The following CDKL4 variants were observed in gnomAD, a reference collection of about 807,000 sequenced individuals.
The protein encoded by CDKL4 is cyclin-dependent kinase-like 4.
Under a neutral mutation model 42.0 loss-of-function variants are expected in CDKL4, and 44 were observed. The ratio of observed to expected loss-of-function variants is 1.05; its 90% CI spans 0.82 to 1.35. The LOEUF (loss-of-function observed/expected upper bound fraction) is 1.35. CDKL4 is among the 40% of genes most tolerant of loss of function. The probability of loss-of-function intolerance (pLI) is 0.00; values close to 1 mark genes in which losing one functional copy is unlikely to be tolerated. For missense variants in CDKL4, 393 were observed against 369.9 expected (o/e 1.06, Z -0.51); for synonymous variants, 120 against 121.6 (o/e 0.99, Z 0.09).
intron 4 of CDKL4, among the ~76,000 whole-genome samples, chr2:39,211,008 T>C (rs74509030): frequency 0.025 from 3,796 of 152,324 alleles, 55 homozygotes; most frequent in African/African-American, 0.028. Context: ...ACTGCTATGA[T>C]AGACATTCTG....
At chr2:39,243,606 T>A (rs1291020269) in intron 1 of CDKL4, among the ~76,000 whole-genome samples, 1 of 152,252 alleles carries the variant, frequency 6.6e-6, no homozygotes, top group Non-Finnish European at 1.5e-5. Flanking sequence ...GGCCTCCGCC[T>A]TGCGCGCTCC....
At chr2:39,223,445 TG>T (rs1678496329) in intron 3 of CDKL4, among the ~76,000 whole-genome samples, 1 of 152,124 alleles carries the variant, frequency 6.6e-6, no homozygotes, top group African/African-American at 2.4e-5. Context: ...TTGATAAGAC[TG>T]GGTATAATAA....
At chr2:39,226,403 T>C (rs1678715625) in intron 2 of CDKL4, among the ~76,000 whole-genome samples, 1 of 121,990 alleles carries the variant, frequency 8.2e-6, no homozygotes, top group East Asian at 2.5e-4. Context: ...AATTAGTCTG[T>C]GTTTTAAATT....
At chr2:39,175,481 G>A (rs565022021), downstream of CDKL4, among the ~76,000 whole-genome samples, 7 of 152,258 alleles carry the variant, frequency 4.6e-5, no homozygotes, top group East Asian at 1.9e-4. Flanking sequence ...AAACCTGAAC[G>A]ACCTTTCAAG....
At chr2:39,246,027 T>G (rs116261939), upstream of CDKL4, among the ~76,000 whole-genome samples, 681 of 152,334 alleles carry the variant, frequency 4.5e-3, 7 homozygotes, top group African/African-American at 0.016. Context: ...CTTACCCATT[T>G]TATTCCCAGG....
intron 4 of CDKL4, among the ~76,000 whole-genome samples, chr2:39,210,859 C>T (rs1324784107): frequency 2.0e-5 from 3 of 152,080 alleles, no homozygotes; most frequent in Non-Finnish European, 4.4e-5. Flanking sequence ...GAAAAATATC[C>T]CTCTACATTA....
exon 2 of CDKL4, chr2:39,229,524 C>T (rs149237225): frequency 1.9e-6 from 3 of 1,603,304 alleles, no homozygotes; most frequent in African/African-American, 2.7e-5. Flanking sequence ...ATTTTTCATA[C>T]TTTTCCATTA....
At chr2:39,217,862 T>C (rs915228371) in intron 3 of CDKL4, among the ~76,000 whole-genome samples, 6 of 152,102 alleles carry the variant, frequency 3.9e-5, no homozygotes, top group Admixed American at 2.6e-4. Flanking sequence ...GCCTCCCAAG[T>C]AGCTGGGATT....
chr2:39,219,065 G>A (rs1458938719), intron 3 of CDKL4, among the ~76,000 whole-genome samples: 7 of 152,102 alleles, frequency 4.6e-5, no homozygotes, highest in African/African-American at 1.4e-4. Context: ...ATTGCACAAG[G>A]GCAAGGACTT....
At chr2:39,224,401 G>C (rs1435885572) in intron 3 of CDKL4, among the ~76,000 whole-genome samples, 1 of 151,192 alleles carries the variant, frequency 6.6e-6, no homozygotes, top group Non-Finnish European at 1.5e-5. Context: ...ACATATCTCA[G>C]TTTTGTAGTT....
chr2:39,213,169 G>C (rs370903395), intron 4 of CDKL4, among the ~76,000 whole-genome samples: 2 of 151,610 alleles, frequency 1.3e-5, no homozygotes, highest in South Asian at 2.1e-4. Context: ...CTTTTTTGCA[G>C]AGACAGGGTC....
At chr2:39,191,132 C>T (rs771114967) in intron 5 of CDKL4, among the ~76,000 whole-genome samples, 20 of 152,146 alleles carry the variant, frequency 1.3e-4, no homozygotes, top group African/African-American at 4.6e-4. Context: ...GGCATGGTGG[C>T]TCATGCCTCT....
In CDKL4 at chr2:39,185,363, TATATATATACATATGTATATATAC is replaced by T. The variant is rs1572947105; in HGVS notation, c.736-740_736-717del. Among the ~76,000 whole-genome samples the T allele has an allele frequency of 1.9e-4, 18 of 92,884 alleles. 3 individuals carry two copies. The highest frequency in any genetic ancestry group is 9.3e-4 in the South Asian group (3 of 3,230). The allele number at this position is 92,884 out of a possible 152,430, so 60.9% of individuals were successfully genotyped here. The stretch of plus-strand genomic sequence containing the variant: ...ATATATACACATATGTATATATACA[TATATATATACATATGTATATATAC>T]ATGTATATATACATATGTGTATATA... On this transcript the variant is annotated intron_variant, in intron 7 of 9. Transcript: ENST00000451199.
intron 1 of CDKL4, among the ~76,000 whole-genome samples, chr2:39,231,691 C>T (rs1269775780): frequency 6.6e-6 from 1 of 152,196 alleles, no homozygotes; most frequent in East Asian, 1.9e-4. Flanking sequence ...TGTGAGCATG[C>T]ATACATTTGC....
intron 4 of CDKL4, 82 bp downstream of exon 4, chr2:39,213,318 T>C: frequency 1.1e-6 from 1 of 926,586 alleles, no homozygotes; most frequent in South Asian, 1.5e-5. Flanking sequence ...TGTCTTCAGC[T>C]CTCCAAACAA....
At chr2:39,205,940 G>C (rs1022301571) in intron 4 of CDKL4, among the ~76,000 whole-genome samples, 14 of 152,024 alleles carry the variant, frequency 9.2e-5, no homozygotes, top group African/African-American at 3.4e-4. Flanking sequence ...CTCCTCACCG[G>C]AGCTAACCTG....
the CDKL4 span, among the ~76,000 whole-genome samples, chr2:39,169,380 G>A: frequency 6.6e-6 from 1 of 152,192 alleles, no homozygotes; most frequent in African/African-American, 2.4e-5. Flanking sequence ...AGCTAGTAGG[G>A]TGTAGTCGTG....
chr2:39,229,487 C>A, exon 2 of CDKL4: 1 of 1,611,638 alleles, frequency 6.2e-7, no homozygotes, highest in Non-Finnish European at 8.5e-7. Context: ...AATACAACCC[C>A]ATAAGACCCT....
chr2:39,184,704 G>GTA lies in CDKL4; in HGVS notation c.736-59_736-58dup, dbSNP rs1395640988. On this transcript the variant is annotated intron_variant, in intron 7 of 9. Coordinates refer to ENST00000451199, the Ensembl canonical transcript of CDKL4. The stretch of plus-strand genomic sequence containing the variant: ...CATAAGAACAAAGTAATATGTGTGT[G>GTA]TATATATGTGCGTATGTATGTGTGT... 5 of 1,134,720 alleles carry GTA rather than the reference G, an allele frequency of 4.4e-6. No homozygotes were observed. In the African/African-American group the frequency reaches 6.1e-5, roughly 14 times the overall value. 70.3% of individuals were successfully genotyped at this position (1,134,720 alleles called of 1,614,324 possible). A position where few individuals can be genotyped will look rare whatever the true frequency, so the allele number is the denominator to read the frequency against.
Sources: allele counts gnomAD v4.1 joint callset (sites outside exome capture counted in the v4.1 genomes callset), GRCh38; gene constraint gnomAD v4.1.1; transcripts MANE v1.5; gene names NCBI Gene and HGNC (gene_info 2026-07-23, HGNC 2026-07-21).